The following VAT1 variants were observed in gnomAD, a reference collection of about 807,000 sequenced individuals.
The protein encoded by VAT1 is NADPH-dependent quinone oxidoreductase VAT1.
A neutral mutation model predicts 33.3 loss-of-function variants in VAT1; 24 were observed. That is an observed-to-expected ratio of 0.72 (90% confidence interval 0.52 to 1.01). The LOEUF (loss-of-function observed/expected upper bound fraction) is 1.01. Among genes scored for constraint, VAT1 ranks in the 50% least tolerant of loss-of-function variants. The probability of loss-of-function intolerance (pLI) is 0.00; values close to 1 mark genes in which losing one functional copy is unlikely to be tolerated. For synonymous variants in VAT1, 212 were observed against 225.0 expected, an observed-to-expected ratio of 0.94 and a Z score of 0.52; for missense variants, 436 against 533.7, an observed-to-expected ratio of 0.82 and a Z score of 1.80.
intron 1 of VAT1, among the ~76,000 whole-genome samples, chr17:43,021,681 C>CA (rs1476806267): frequency 6.6e-6 from 1 of 152,050 alleles, no homozygotes; most frequent in Non-Finnish European, 1.5e-5. Flanking sequence ...TTTTCCCCCC[C>CA]ACCAGCACAG....
In VAT1 at chr17:43,020,763, T is replaced by A. The variant is rs941256485; in HGVS notation, c.387+1173A>T. On this transcript the variant is annotated intron_variant, in intron 1 of 5. Transcript: ENST00000355653. ...GGTGGCGCATGCCTGTAATCCCAGC[T>A]ACTCGAGAGGCTGAGGCAGGAGAAT... Among the ~76,000 whole-genome samples the A allele has an allele frequency of 1.0e-4, 15 of 150,750 alleles. 1 individual carries two copies. Among genetic ancestry groups the A allele is most frequent in the Non-Finnish European group, 1.6e-4 (11 of 67,840 alleles).
rs200151016 is a variant in VAT1, at chr17:43,016,150, G to A, written c.1099-6C>T. ...TGTTTCATGGCATCAGCCACCTGGG[G>A]AGGAAGGAAAGATGCGGCTCCCAGT... On this transcript the variant is annotated splice_region_variant and splice_polypyrimidine_tract_variant and intron_variant, in intron 5 of 5. Transcript: ENST00000355653. 11 of 1,614,118 alleles carry A rather than the reference G, an allele frequency of 6.8e-6. No individual in the cohort carries two copies. The highest frequency in any genetic ancestry group is 2.2e-5 in the East Asian group (1 of 44,888).
chr17:43,016,336 G>A lies in VAT1; in HGVS notation c.1069C>T (p.His357Tyr). 2 of 1,610,534 alleles carry A rather than the reference G, an allele frequency of 1.2e-6. No individual in the cohort carries two copies. Among genetic ancestry groups the A allele is most frequent in the Non-Finnish European group, 8.5e-7 (1 of 1,179,990 alleles). Residue 357 changes from histidine to tyrosine, a missense_variant, in exon 5 of 6, where the codon CAC becomes TAC. Transcript: ENST00000355653. Reference sequence around the variant, plus strand: ...TCGAAGGGCCAGACTGAGTCAATGTGGGGCTTGATGTGGCCCTGGTTGTAC... The same window carrying A: ...TCGAAGGGCCAGACTGAGTCAATGTAGGGCTTGATGTGGCCCTGGTTGTAC... ...ALYNQGHIKPHIDSVWPFEKV... is the reference protein window; with the variant it reads ...ALYNQGHIKPYIDSVWPFEKV...
intron 1 of VAT1, 84 bp downstream of exon 1, chr17:43,021,852 T>C (rs887331860): frequency 6.5e-7 from 1 of 1,543,844 alleles, no homozygotes; most frequent in Non-Finnish European, 8.7e-7. Flanking sequence ...TCTCCCGCCC[T>C]GCCACACCCC....
At chr17:43,021,773 C>A (rs2050571385) in intron 1 of VAT1, among the ~76,000 whole-genome samples, 163 bp downstream of exon 1, 1 of 152,200 alleles carries the variant, frequency 6.6e-6, no homozygotes, top group South Asian at 2.1e-4. Context: ...ATGCCGCTCT[C>A]CAGGAGCCCC....
In VAT1 at chr17:43,015,751, G is replaced by C. The variant is rs367802934; in HGVS notation, c.*310C>G. 5 of 449,372 alleles carry C rather than the reference G, an allele frequency of 1.1e-5. No individual in the cohort carries two copies. The highest frequency in any genetic ancestry group is 4.3e-5 in the East Asian group (1 of 23,092). 27.8% of individuals were successfully genotyped at this position (449,372 alleles called of 1,614,324 possible). A position where few individuals can be genotyped will look rare whatever the true frequency, so the allele number is the denominator to read the frequency against. On this transcript the variant is annotated 3_prime_UTR_variant, in exon 6 of 6. Transcript: ENST00000355653. Reference sequence around the variant, plus strand: ...AAAGCACATGGAACACAACAGGGGGGACTGGCTAACCTTGGCACAAAAGCA... The same window carrying C: ...AAAGCACATGGAACACAACAGGGGGCACTGGCTAACCTTGGCACAAAAGCA...
rs949493749 is a variant in VAT1, at chr17:43,021,835, G to A, written c.387+101C>T. 4.6e-6 allele frequency: 7 copies of A among 1,507,856 alleles called. No individual in the cohort carries two copies. In the African/African-American group the frequency reaches 9.7e-5, roughly 21 times the overall value. 93.4% of individuals were successfully genotyped at this position (1,507,856 alleles called of 1,614,324 possible). A position where few individuals can be genotyped will look rare whatever the true frequency, so the allele number is the denominator to read the frequency against. Reference sequence around the variant, plus strand: ...TCCACGCTCGTGCACCCAGGTCCGCGCCAGTTTCTCCCGCCCTGCCACACC... The same window carrying A: ...TCCACGCTCGTGCACCCAGGTCCGCACCAGTTTCTCCCGCCCTGCCACACC... On this transcript the variant is annotated intron_variant, in intron 1 of 5. Transcript: ENST00000355653.
chr17:43,018,940 A>G, intron 1 of VAT1, 141 bp from the exon 2 acceptor site: 7 of 796,344 alleles, frequency 8.8e-6, no homozygotes, highest in Non-Finnish European at 1.4e-5. Flanking sequence ...TAATAATAAT[A>G]ATAACATCAT....
chr17:43,019,591 C>T (rs1207440086), intron 1 of VAT1: 1 of 152,408 alleles, frequency 6.6e-6, no homozygotes, highest in Non-Finnish European at 1.5e-5. Context: ...ACAAGAAGGG[C>T]TACAGAGGCC....
rs2050516191 is a variant in VAT1, at chr17:43,015,893, G to A, written c.*168C>T. On this transcript the variant is annotated 3_prime_UTR_variant, in exon 6 of 6. Coordinates refer to ENST00000355653, the MANE Select transcript of VAT1 (RefSeq NM_006373.4). The stretch of plus-strand genomic sequence containing the variant: ...TGGTCACTTCCCAACCTCTTCAGAG[G>A]TCAGGAAGCGGGGAGGGGCAGGGGA... 5.2e-6 allele frequency: 4 copies of A among 766,620 alleles called. No individual in the cohort carries two copies. The highest frequency in any genetic ancestry group is 1.7e-5 in the South Asian group (1 of 60,404). The allele number at this position is 766,620 out of a possible 1,614,324, so 47.5% of individuals were successfully genotyped here.
At position 43,022,335 on chromosome 17, in the gene VAT1, C is replaced by T. The variant is rs746323207; in HGVS notation, c.-13G>A. 2 of 1,545,278 alleles carry T rather than the reference C, an allele frequency of 1.3e-6. No homozygotes were observed. Among genetic ancestry groups the T allele is most frequent in the African/African-American group, 1.4e-5 (1 of 72,664 alleles). Reference sequence around the variant, plus strand: ...TCTCGTCGGACATGGCTGGGACTCCCGACGAGAGCGCACAGCTGGATGGAG... The same window carrying T: ...TCTCGTCGGACATGGCTGGGACTCCTGACGAGAGCGCACAGCTGGATGGAG... On this transcript the variant is annotated 5_prime_UTR_variant, in exon 1 of 6. Coordinates refer to ENST00000355653, the MANE Select transcript of VAT1 (RefSeq NM_006373.4).
chr17:43,020,057 A>G, intron 1 of VAT1: 5 of 977,496 alleles, frequency 5.1e-6, no homozygotes, highest in Non-Finnish European at 4.9e-6. Context: ...GCAGATACAG[A>G]ACAACCCAGG....
In VAT1 at chr17:43,021,992, C is replaced by T. The variant is rs1384511773; in HGVS notation, c.331G>A (p.Gly111Ser). The T allele has an allele frequency of 6.2e-7, 1 of 1,611,192 alleles. No individual in the cohort carries two copies. The highest frequency in any genetic ancestry group is 8.5e-7 in the Non-Finnish European group (1 of 1,179,734). ...ATCACAACACCCGCGCCCTCCATGC[C>T]CGGAGTGACAGGCAGAGGCGGGAGA... ...DRLPPLPVTP[G>S]MEGAGVVIAV... The change falls in exon 1 of 6, where the codon GGC (glycine) becomes AGC (serine). Residue 111 changes from glycine (G) to serine (S), a missense_variant. This residue lies in a region of VAT1 where 282 missense variants were observed against 405.4 expected (regional missense o/e 0.70). Transcript: ENST00000355653.
chr17:43,022,335 C>G lies in VAT1; in HGVS notation c.-13G>C, dbSNP rs746323207. 9.1e-6 allele frequency: 14 copies of G among 1,545,398 alleles called. No homozygotes were observed. Among genetic ancestry groups the G allele is most frequent in the East Asian group, 2.4e-5 (1 of 41,164 alleles). On this transcript the variant is annotated 5_prime_UTR_variant, in exon 1 of 6. Coordinates refer to ENST00000355653, the MANE Select transcript of VAT1 (RefSeq NM_006373.4). ...TCTCGTCGGACATGGCTGGGACTCC[C>G]GACGAGAGCGCACAGCTGGATGGAG...
chr17:43,020,211 A>AGGG, intron 1 of VAT1: 5 of 983,264 alleles, frequency 5.1e-6, no homozygotes, highest in Non-Finnish European at 4.8e-6. Flanking sequence ...AGACACCAGG[A>AGGG]AGGAGGAGGA....
rs1248857472 is a variant in VAT1 at position 43,016,372 on chromosome 17, G to A, written c.1033C>T (p.Leu345Phe). 1 of 1,612,950 alleles carries A rather than the reference G, an allele frequency of 6.2e-7. No individual in the cohort carries two copies. Among genetic ancestry groups the A allele is most frequent in the Non-Finnish European group, 8.5e-7 (1 of 1,180,042 alleles). ...VELVSGVVARLLALYNQGHIK... is the reference protein window; with the variant it reads ...VELVSGVVARFLALYNQGHIK... ...TGGCCCTGGTTGTACAGAGCCAGGA[G>A]GCGGGCCACCACACCACTGACCAGC... Residue 345 changes from leucine to phenylalanine, a missense_variant, in exon 5 of 6, where the codon CTC (leucine) becomes TTC (phenylalanine). Transcript: ENST00000355653.
At position 43,022,105 on chromosome 17, in the gene VAT1, G is replaced by A. The variant is rs912378826; in HGVS notation, c.218C>T (p.Ala73Val). ...CAGCGTCAGCTGGCCGGGCCCAGGG[G>A]CCGGGGGCGCTGCCGGCCGGCTCTG... Reference protein sequence around the residue: ...KLQSRPAAPPAPGPGQLTLRL... With the variant: ...KLQSRPAAPPVPGPGQLTLRL... The change falls in exon 1 of 6, where the codon GCC becomes GTC. Residue 73 changes from alanine (A) to valine (V), a missense_variant. By Grantham distance (64) the Ala-to-Val change is moderately conservative. Coordinates refer to ENST00000355653, the MANE Select transcript of VAT1 (RefSeq NM_006373.4). 7.0e-6 allele frequency: 11 copies of A among 1,573,750 alleles called. No individual in the cohort carries two copies. Among genetic ancestry groups the A allele is most frequent in the Non-Finnish European group, 8.6e-6 (10 of 1,160,584 alleles).
intron 1 of VAT1, chr17:43,020,036 A>T: frequency 1.1e-6 from 1 of 923,246 alleles, no homozygotes; most frequent in Non-Finnish European, 1.3e-6. Flanking sequence ...CCACCCAGGG[A>T]CTCAGGACTA....
intron 1 of VAT1, among the ~76,000 whole-genome samples, chr17:43,021,206 C>T (rs538542238): frequency 5.9e-5 from 9 of 152,302 alleles, no homozygotes; most frequent in African/African-American, 2.2e-4. Flanking sequence ...GGTCGTGGCC[C>T]GAAGGCTGAG....
Sources: gnomAD v4.1 joint callset for allele counts (sites outside exome capture counted in the v4.1 genomes callset) on GRCh38, gnomAD v4.1.1 for gene constraint, gnomAD v4.1.1 regional missense constraint, MANE v1.5 for transcripts, NCBI Gene and HGNC (gene_info 2026-07-23, HGNC 2026-07-21) for gene names.